The following EMC8 variants were observed in gnomAD, a reference collection of about 807,000 sequenced individuals.
EMC8 encodes the protein ER membrane protein complex subunit 8, also known as COX4 neighbor.
A neutral mutation model predicts 24.3 loss-of-function variants in EMC8; 11 were observed. The ratio of observed to expected loss-of-function variants is 0.45; its 90% CI spans 0.28 to 0.75. The LOEUF is 0.75. EMC8 is among the 30% of genes least tolerant of loss of function. The pLI, the probability that EMC8 is intolerant of heterozygous loss-of-function variation, is 0.12. For missense variants in EMC8, 277 were observed against 282.7 expected, an observed-to-expected ratio of 0.98 and a Z score of 0.14; for synonymous variants, 145 against 117.7, an observed-to-expected ratio of 1.23 and a Z score of -1.50.
At chr16:85,782,984 A>ACTCG (rs1190369202) in intron 2 of EMC8, among the ~76,000 whole-genome samples, 5 of 151,918 alleles carry the variant, frequency 3.3e-5, no homozygotes, top group Non-Finnish European at 2.9e-5. Context: ...TTCTACGGTC[A>ACTCG]CTCGCTCGCT....
At chr16:85,796,684 G>T (rs970447943) in intron 1 of EMC8, among the ~76,000 whole-genome samples, 1 of 151,878 alleles carries the variant, frequency 6.6e-6, no homozygotes, top group East Asian at 1.9e-4. Context: ...CTCCTCTCCC[G>T]CCCACTATTT....
chr16:85,786,751 A>C (rs1246958544), intron 2 of EMC8, among the ~76,000 whole-genome samples: 1 of 152,192 alleles, frequency 6.6e-6, no homozygotes, highest in African/African-American at 2.4e-5. Context: ...TCTAGAAGGA[A>C]GGTATGGAGA....
In EMC8 at chr16:85,796,670, C is replaced by T. The variant is rs917481691; in HGVS notation, c.231+2395G>A. Reference sequence around the variant, plus strand: ...ATTGCTCTCTCCAAACTCCCCCACTCGCTCTCCTCTCCCGCCCACTATTTT... The same window carrying T: ...ATTGCTCTCTCCAAACTCCCCCACTTGCTCTCCTCTCCCGCCCACTATTTT... On this transcript the variant is annotated intron_variant, in intron 1 of 4. Transcript: ENST00000253457. Among the ~76,000 whole-genome samples the T allele has an allele frequency of 6.6e-5, 10 of 152,324 alleles. 1 individual carries two copies. The highest frequency in any genetic ancestry group is 2.2e-4 in the African/African-American group (9 of 41,578).
intron 2 of EMC8, among the ~76,000 whole-genome samples, chr16:85,786,882 C>A (rs779852753): frequency 6.6e-6 from 1 of 152,088 alleles, no homozygotes; most frequent in African/African-American, 2.4e-5. Flanking sequence ...CATAGGAGAG[C>A]CTGCGCAGGT....
chr16:85,779,976 T>G, intron 4 of EMC8, 109 bp from the exon 5 acceptor site: 1 of 843,134 alleles, frequency 1.2e-6, no homozygotes, highest in South Asian at 1.5e-5. Flanking sequence ...ACAGAGATGG[T>G]GCAGAGTACT....
rs954928454 is a variant in EMC8 at position 85,798,743 on chromosome 16, G to A, written c.231+322C>T. 105 of 321,206 alleles carry A rather than the reference G, an allele frequency of 3.3e-4. 1 individual carries two copies. The highest frequency in any genetic ancestry group is 2.1e-3 in the African/African-American group (97 of 47,026). The allele number at this position is 321,206 out of a possible 1,614,324, so 19.9% of individuals were successfully genotyped here. ...TTCCTGCAACTCGAAATCCTCAAGG[G>A]AAACTCTGTCGAATCCCCACCAAGT... On this transcript the variant is annotated intron_variant, in intron 1 of 4. Coordinates refer to ENST00000253457, the MANE Select transcript of EMC8 (RefSeq NM_006067.5).
chr16:85,783,030 T>C (rs112693069), intron 2 of EMC8, among the ~76,000 whole-genome samples: 7 of 152,222 alleles, frequency 4.6e-5, no homozygotes, highest in Non-Finnish European at 1.5e-5. Context: ...CTGGGTGCAG[T>C]GGCTCACGCC....
chr16:85,796,973 C>G (rs531521456), intron 1 of EMC8, among the ~76,000 whole-genome samples: 3 of 152,310 alleles, frequency 2.0e-5, no homozygotes, highest in South Asian at 2.1e-4. Flanking sequence ...CTCCTCAGCA[C>G]GGGCCTGGCA....
rs762881944 is a variant in EMC8 at position 85,781,238 on chromosome 16, C to G, written c.351G>C (p.Glu117Asp). 1 of 1,613,920 alleles carries G rather than the reference C, an allele frequency of 6.2e-7. No homozygotes were observed. Among genetic ancestry groups the G allele is most frequent in the Admixed American group, 1.7e-5 (1 of 60,014 alleles). The change falls in exon 3 of 5, where the codon GAG (glutamate) becomes GAC (aspartate). Residue 117 changes from glutamate (E) to aspartate (D), a missense_variant. Transcript: ENST00000253457. ...VAEKVASRIA[E>D]GFSDTALIMV... is the part of the protein sequence containing the mutation. ...TGATGAGCGCAGTGTCGCTGAAGCC[C>G]TCGGCGATTCTGGAGGCCACCTTCT... is the stretch of plus-strand genomic sequence containing the variant.
chr16:85,783,300 CAAA>C (rs5818556), intron 2 of EMC8, among the ~76,000 whole-genome samples: 1 of 150,966 alleles, frequency 6.6e-6, no homozygotes, highest in African/African-American at 2.4e-5. Flanking sequence ...GACTCCACGT[CAAA>C]AAAAAAAGAG....
At position 85,779,665 on chromosome 16, in the gene EMC8, A is replaced by G. The variant is rs1331280809; in HGVS notation, c.*43T>C. ...CATTTAAAAATAGGTTTTCTTCTTC[A>G]ACGTAGTGGAAAGGCCCGGAGCCCA... On this transcript the variant is annotated 3_prime_UTR_variant, in exon 5 of 5. Transcript: ENST00000253457. The G allele has an allele frequency of 2.5e-6, 4 of 1,589,686 alleles. No individual in the cohort carries two copies. Among genetic ancestry groups the G allele is most frequent in the Non-Finnish European group, 3.5e-6 (4 of 1,159,078 alleles).
At chr16:85,781,808 G>C (rs1333216799) in intron 2 of EMC8, 1 of 154,002 alleles carries the variant, frequency 6.5e-6, no homozygotes, top group Non-Finnish European at 1.4e-5. Flanking sequence ...TGAAGAAATC[G>C]CAGGGGTCAG....
rs551976742 is a variant in EMC8 at position 85,780,578 on chromosome 16, G to T, written c.379-105C>A. The T allele has an allele frequency of 2.8e-3, 2,113 of 753,360 alleles. 4 individuals carry two copies. The highest frequency in any genetic ancestry group is 4.0e-3 in the Non-Finnish European group (1,740 of 433,720). 46.7% of individuals were successfully genotyped at this position (753,360 alleles called of 1,614,324 possible). On this transcript the variant is annotated intron_variant, in intron 3 of 4. Coordinates refer to ENST00000253457, the MANE Select transcript of EMC8 (RefSeq NM_006067.5). Reference sequence around the variant, plus strand: ...CTGCAGCCGTGCCCACGCTGGCTGGGGCAGAGACTCTTCCGACAGAGCCTG... The same window carrying T: ...CTGCAGCCGTGCCCACGCTGGCTGGTGCAGAGACTCTTCCGACAGAGCCTG...
rs2233450 is a variant in EMC8 at position 85,799,427 on chromosome 16, G to T, written c.-132C>A. The T allele has an allele frequency of 7.4e-3, 3,870 of 523,762 alleles. 137 individuals are homozygous for T. Among genetic ancestry groups the T allele is most frequent in the African/African-American group, 0.069 (3,419 of 49,340 alleles). 32.4% of individuals were successfully genotyped at this position (523,762 alleles called of 1,614,324 possible). ...TTGATGGCGCGGCCGCGGGCTGGCG[G>T]GGGACCCTTCAGGCCCGGCCCCGTT... On this transcript the variant is annotated 5_prime_UTR_variant, in exon 1 of 5. Coordinates refer to ENST00000253457, the MANE Select transcript of EMC8 (RefSeq NM_006067.5). This position sits in a 1 kb window ranked among gnomAD's most constrained non-coding sequence, Gnocchi z 4.2.
intron 4 of EMC8, 50 bp downstream of exon 4, chr16:85,780,329 G>C (rs1394362057): frequency 7.2e-7 from 1 of 1,387,900 alleles, no homozygotes; most frequent in Non-Finnish European, 1.0e-6. Flanking sequence ...CTCTCACGTG[G>C]CCGGGCGCTG....
rs552812218 is a variant in EMC8 at position 85,785,231 on chromosome 16, T to A, written c.308+3743A>T. Among the ~76,000 whole-genome samples, 68 of 152,324 alleles carry A rather than the reference T, an allele frequency of 4.5e-4. 1 individual carries two copies. In the South Asian group the frequency reaches 0.01, roughly 23 times the overall value. On this transcript the variant is annotated intron_variant, in intron 2 of 4. Transcript: ENST00000253457. ...GAAAGTGCTGGGATTACAGGTGTGA[T>A]CCAACATGGCTGGCCTAAAATTTAT...
At chr16:85,790,511 C>T (rs1904954597) in intron 1 of EMC8, among the ~76,000 whole-genome samples, 1 of 152,308 alleles carries the variant, frequency 6.6e-6, no homozygotes, top group Admixed American at 6.5e-5. Context: ...GTTTCTATCA[C>T]CTCTTAATGG....
intron 1 of EMC8, chr16:85,792,403 C>A (rs1309261434): frequency 2.0e-5 from 3 of 152,184 alleles, no homozygotes; most frequent in African/African-American, 7.2e-5. Flanking sequence ...GAATGACACA[C>A]ATGAGAATAA....
At chr16:85,797,605 G>A (rs1483606394) in intron 1 of EMC8, among the ~76,000 whole-genome samples, 3 of 152,184 alleles carry the variant, frequency 2.0e-5, no homozygotes, top group Non-Finnish European at 2.9e-5. Flanking sequence ...TCAAAGATGT[G>A]CCCAGGAACC....
Sources: allele counts gnomAD v4.1 joint callset (sites outside exome capture counted in the v4.1 genomes callset), GRCh38; gene constraint gnomAD v4.1.1; non-coding constraint Gnocchi (gnomAD v3.1); transcripts MANE v1.5; gene names NCBI Gene and HGNC (gene_info 2026-07-23, HGNC 2026-07-21).